FAM120B: variants seen among roughly 807,000 people sequenced by gnomAD.
The protein encoded by FAM120B is family with sequence similarity 120 member B.
A neutral mutation model predicts 96.3 loss-of-function variants in FAM120B; 83 were observed. The ratio of observed to expected loss-of-function variants is 0.86; its 90% CI spans 0.72 to 1.03. The LOEUF (loss-of-function observed/expected upper bound fraction) is 1.03. Among genes scored for constraint, FAM120B ranks in the 50% least tolerant of loss-of-function variants. The probability of loss-of-function intolerance (pLI) is 0.00; values close to 1 mark genes in which losing one functional copy is unlikely to be tolerated. For synonymous variants in FAM120B, 407 were observed against 402.7 expected (o/e 1.01, Z -0.13); for missense variants, 1,027 against 1,121.2 (o/e 0.92, Z 1.20).
intron 1 of FAM120B, among the ~76,000 whole-genome samples, chr6:170,296,451 A>C (rs1477781953): frequency 4.0e-5 from 6 of 151,486 alleles, no homozygotes; most frequent in Non-Finnish European, 8.8e-5. Flanking sequence ...GCGAGGGCGG[A>C]GGGCGGCGCC....
intron 5 of FAM120B, among the ~76,000 whole-genome samples, chr6:170,352,005 A>C (rs1037788688): frequency 1.3e-5 from 2 of 152,220 alleles, no homozygotes; most frequent in Non-Finnish European, 2.9e-5. Flanking sequence ...AAGCTGGATA[A>C]AGAGCCATGA....
At chr6:170,301,020 C>T (rs757542232) in intron 1 of FAM120B, among the ~76,000 whole-genome samples, 1 of 152,244 alleles carries the variant, frequency 6.6e-6, no homozygotes, top group Non-Finnish European at 1.5e-5. Flanking sequence ...TTTCTCACAG[C>T]TCCATTAGGT....
intron 4 of FAM120B, among the ~76,000 whole-genome samples, chr6:170,331,641 A>G (rs370266885): frequency 6.6e-6 from 1 of 152,362 alleles, no homozygotes. Context: ...ATCTTTCCAA[A>G]TATAATATGG....
chr6:170,323,768 A>G (rs112612062), intron 3 of FAM120B, among the ~76,000 whole-genome samples: 8 of 152,302 alleles, frequency 5.3e-5, no homozygotes, highest in African/African-American at 1.9e-4. Flanking sequence ...GTGCTTAGCA[A>G]CAAGAGTAGA....
intron 6 of FAM120B, among the ~76,000 whole-genome samples, chr6:170,361,182 C>CTATATATATATACGTATA (rs1562566358): frequency 2.6e-5 from 2 of 75,510 alleles, no homozygotes; most frequent in East Asian, 1.2e-3. Context: ...AGCCTTAAAA[C>CTATATATATATACGTATA]TATATATATA....
At chr6:170,332,172 G>T (rs368280028) in intron 4 of FAM120B, among the ~76,000 whole-genome samples, 1 of 152,230 alleles carries the variant, frequency 6.6e-6, no homozygotes, top group Non-Finnish European at 1.5e-5. Context: ...TGTTACTCTA[G>T]AAATTGGATT....
At position 170,318,121 on chromosome 6, in the gene FAM120B, A is replaced by G. The variant is rs1443848365; in HGVS notation, c.731A>G (p.Tyr244Cys). ...IPEGMFESFR[Y>C]KCLSSYTSVK... The stretch of plus-strand genomic sequence containing the variant: ...GAGGGCATGTTTGAAAGCTTTAGGT[A>G]CAAATGCTTATCGTCCTACACCTCT... Residue 244 changes from tyrosine to cysteine, a missense_variant, in exon 2 of 11, where the codon TAC becomes TGC. Physicochemically the swap from Tyr to Cys is radical, Grantham distance 194. This residue lies in a region of FAM120B where 880 missense variants were observed against 980.9 expected (regional missense o/e 0.90). Coordinates refer to ENST00000476287, the MANE Select transcript of FAM120B (RefSeq NM_032448.3). The G allele has an allele frequency of 1.2e-5, 19 of 1,614,150 alleles. No homozygotes were observed. Among genetic ancestry groups the G allele is most frequent in the Non-Finnish European group, 1.5e-5 (18 of 1,180,060 alleles).
intron 6 of FAM120B, among the ~76,000 whole-genome samples, chr6:170,369,431 C>T (rs370574812): frequency 1.3e-5 from 2 of 152,176 alleles, no homozygotes; most frequent in African/African-American, 4.8e-5. Flanking sequence ...GTAGGTGTCT[C>T]CTGCTACAGA....
intron 6 of FAM120B, among the ~76,000 whole-genome samples, chr6:170,374,325 G>C (rs1016638784): frequency 6.6e-6 from 1 of 152,212 alleles, no homozygotes; most frequent in Non-Finnish European, 1.5e-5. Flanking sequence ...TGAAATGGGA[G>C]CATGGAAAGT....
intron 6 of FAM120B, among the ~76,000 whole-genome samples, chr6:170,368,915 C>T (rs1788991346): frequency 6.6e-6 from 1 of 150,502 alleles, no homozygotes; most frequent in African/African-American, 2.4e-5. Context: ...GGGCACTCAC[C>T]TGCTTTGGTA....
chr6:170,390,890 C>T, intron 7 of FAM120B, 123 bp from the exon 8 acceptor site: 1 of 746,568 alleles, frequency 1.3e-6, no homozygotes, highest in East Asian at 2.7e-5. Context: ...GTGCAGCCAC[C>T]ATTGCTGCCT....
At position 170,318,822 on chromosome 6, in the gene FAM120B, G is replaced by C; in HGVS notation, c.1432G>C (p.Gly478Arg). ...ESRQEVPMYT[G>R]PESRQEVLIR... The stretch of plus-strand genomic sequence containing the variant: ...CAGGCAAGAAGTTCCCATGTATACA[G>C]GCCCTGAATCCAGGCAAGAAGTTTT... Residue 478 changes from glycine (G) to arginine (R), a missense_variant, in exon 2 of 11, where the codon GGC becomes CGC. Gly to Arg is a moderately radical substitution (Grantham distance 125). Around this residue, in one of 3 missense-constraint regions of FAM120B, gnomAD observed 880 missense variants for 980.9 expected, o/e 0.90. Transcript: ENST00000476287. 6.2e-7 allele frequency: 1 copy of C among 1,614,222 alleles called. No homozygotes were observed. The highest frequency in any genetic ancestry group is 8.5e-7 in the Non-Finnish European group (1 of 1,180,038).
chr6:170,361,045 G>C (rs995920815), intron 6 of FAM120B, among the ~76,000 whole-genome samples: 1 of 151,886 alleles, frequency 6.6e-6, no homozygotes, highest in Non-Finnish European at 1.5e-5. Context: ...AGAGGTGTGT[G>C]CCCTGGTGTC....
At position 170,318,598 on chromosome 6, in the gene FAM120B, T is replaced by C. The variant is rs766749170; in HGVS notation, c.1208T>C (p.Met403Thr). ...CCTGAATCCAGGCGAGAAGTTCCCA[T>C]GTGTTCAGACCCTGAACCCAGGCAA... ...TGPESRREVP[M>T]CSDPEPRQEV... The change falls in exon 2 of 11, where the codon ATG becomes ACG. Residue 403 changes from methionine to threonine, a missense_variant. By Grantham distance (81) the Met-to-Thr change is moderately conservative. Around this residue, in one of 3 missense-constraint regions of FAM120B, gnomAD observed 880 missense variants for 980.9 expected, o/e 0.90. Transcript: ENST00000476287. 1.3e-5 allele frequency: 21 copies of C among 1,573,864 alleles called. No individual in the cohort carries two copies. Among genetic ancestry groups the C allele is most frequent in the South Asian group, 4.6e-5 (4 of 87,034 alleles).
In FAM120B at chr6:170,318,621, C is replaced by G. The variant is rs959562603; in HGVS notation, c.1231C>G (p.Gln411Glu). The part of the protein sequence containing the change: ...VPMCSDPEPR[Q>E]EVPMCTGPEA... The stretch of plus-strand genomic sequence containing the variant: ...CATGTGTTCAGACCCTGAACCCAGG[C>G]AAGAAGTTCCCATGTGTACAGGCCC... Residue 411 changes from glutamine (Q) to glutamate (E), a missense_variant, in exon 2 of 11, where the codon CAA becomes GAA. By Grantham distance (29) the Gln-to-Glu change is conservative. Transcript: ENST00000476287. 1 of 1,597,640 alleles carries G rather than the reference C, an allele frequency of 6.3e-7. No individual in the cohort carries two copies. Among genetic ancestry groups the G allele is most frequent in the African/African-American group, 1.3e-5 (1 of 74,674 alleles).
rs1788390317 is a variant in FAM120B, at chr6:170,361,218, A to ATATATATACG, written c.2283+2908_2283+2909insCGTATATATA. On this transcript the variant is annotated intron_variant, in intron 6 of 10. Coordinates refer to ENST00000476287, the MANE Select transcript of FAM120B (RefSeq NM_032448.3). Reference sequence around the variant, plus strand: ...TACGTGTATATATATATATATATATATATATATATATATATATACACGTAT... The same window carrying ATATATATACG: ...TACGTGTATATATATATATATATATATATATATACGTATATATATATATATATACACGTAT... Among the ~76,000 whole-genome samples the ATATATATACG allele has an allele frequency of 8.3e-5, 9 of 108,848 alleles. 1 individual carries two copies. Among genetic ancestry groups the ATATATATACG allele is most frequent in the African/African-American group, 3.1e-4 (9 of 29,276 alleles). 71.4% of individuals were successfully genotyped at this position (108,848 alleles called of 152,430 possible).
Position 170,348,179 on chromosome 6 carries a change from G to C in FAM120B, c.2046G>C (p.Trp682Cys). The C allele has an allele frequency of 6.2e-7, 1 of 1,613,848 alleles. No individual in the cohort carries two copies. The highest frequency in any genetic ancestry group is 8.5e-7 in the Non-Finnish European group (1 of 1,179,912). Residue 682 changes from tryptophan to cysteine, a missense_variant, in exon 5 of 11, where the codon TGG becomes TGC. Physicochemically the swap from Trp to Cys is radical, Grantham distance 215. Around this residue, in one of 3 missense-constraint regions of FAM120B, gnomAD observed 880 missense variants for 980.9 expected, o/e 0.90. Coordinates refer to ENST00000476287, the MANE Select transcript of FAM120B (RefSeq NM_032448.3). ...PGGTPSLKILWLNQEPEIQVR... is the reference protein window; with the variant it reads ...PGGTPSLKILCLNQEPEIQVR... ...GAACGCCTAGTTTGAAAATATTATG[G>C]CTGAACCAAGAGCCAGAAATACAGG...
intron 1 of FAM120B, among the ~76,000 whole-genome samples, chr6:170,310,204 G>A (rs1784509670): frequency 6.6e-6 from 1 of 152,226 alleles, no homozygotes; most frequent in Non-Finnish European, 1.5e-5. Flanking sequence ...AGTTGTTTAT[G>A]CTGCATCAGC....
At chr6:170,368,827 G>GC (rs1330182778) in intron 6 of FAM120B, among the ~76,000 whole-genome samples, 1 of 149,532 alleles carries the variant, frequency 6.7e-6, no homozygotes, top group Non-Finnish European at 1.5e-5. Flanking sequence ...GGCTGGGGGG[G>GC]GGGCTCCCTC....
Sources: gnomAD v4.1 joint callset for allele counts (sites outside exome capture counted in the v4.1 genomes callset) on GRCh38, gnomAD v4.1.1 for gene constraint, gnomAD v4.1.1 regional missense constraint, MANE v1.5 for transcripts, NCBI Gene and HGNC (gene_info 2026-07-23, HGNC 2026-07-21) for gene names.